CACNA1C: variants seen among roughly 807,000 people sequenced by gnomAD.
CACNA1C encodes voltage-dependent L-type calcium channel subunit alpha-1C.
In CACNA1C, 30 loss-of-function variants were observed where a neutral mutation model predicts 229.0. That is an observed-to-expected ratio of 0.13 (90% CI 0.10 to 0.18). CACNA1C has a LOEUF of 0.18. CACNA1C is among the 10% of genes least tolerant of loss of function. The pLI is 1.00. For synonymous variants in CACNA1C, 1,114 were observed against 1,132.5 expected, an observed-to-expected ratio of 0.98 and a Z score of 0.33; for missense variants, 1,658 against 2,845.0, an observed-to-expected ratio of 0.58 and a Z score of 9.49.
intron 6 of CACNA1C, among the ~76,000 whole-genome samples, chr12:2,489,133 T>G (rs1408384326): frequency 3.3e-5 from 5 of 152,228 alleles, no homozygotes; most frequent in African/African-American, 1.2e-4. Context: ...TTTTTAAAAT[T>G]TCAGACTTTG....
At chr12:2,171,881 C>G (rs1266294071) in intron 3 of CACNA1C, among the ~76,000 whole-genome samples, 1 of 152,146 alleles carries the variant, frequency 6.6e-6, no homozygotes, top group Non-Finnish European at 1.5e-5. Context: ...AAGAGCCACT[C>G]ATGATAGGTC....
rs565297724 is a variant in CACNA1C at position 2,668,772 on chromosome 12, A to G, written c.4624-161A>G. ...TATGAGAAATCCACCCCATGATGCA[A>G]TCACCTTCCATCAGGCCCCACCTCC... is the stretch of plus-strand genomic sequence containing the variant. On this transcript the variant is annotated intron_variant, in intron 37 of 46. Coordinates refer to ENST00000399655, the MANE Select transcript of CACNA1C (RefSeq NM_000719.7). 351 of 617,412 alleles carry G rather than the reference A, an allele frequency of 5.7e-4. 2 individuals are homozygous for G. In the South Asian group the frequency reaches 6.2e-3, roughly 11 times the overall value. The allele number at this position is 617,412 out of a possible 1,614,324, so 38.2% of individuals were successfully genotyped here.
intron 3 of CACNA1C, among the ~76,000 whole-genome samples, chr12:2,230,763 G>T (rs948503276): frequency 2.6e-4 from 40 of 152,234 alleles, no homozygotes; most frequent in African/African-American, 9.4e-4. Context: ...AGTAACAGCA[G>T]CTAACCCTTC....
At position 2,583,882 on chromosome 12, in the gene CACNA1C, G is replaced by T. The variant is rs189165765; in HGVS notation, c.2225-621G>T. Among the ~76,000 whole-genome samples, 19 of 152,330 alleles carry T rather than the reference G, an allele frequency of 1.2e-4. No individual in the cohort carries two copies. In the East Asian group the frequency reaches 2.1e-3, roughly 17 times the overall value. On this transcript the variant is annotated intron_variant, in intron 15 of 46. Coordinates refer to ENST00000399655, the MANE Select transcript of CACNA1C (RefSeq NM_000719.7). ...AATGTCTGGGTGCCTGGGGCCGGGG[G>T]TCAGACTTCACAGACTTAAAGCCCC...
chr12:2,453,215 G>A (rs191824885), intron 4 of CACNA1C, among the ~76,000 whole-genome samples: 255 of 152,198 alleles, frequency 1.7e-3, no homozygotes, highest in Middle Eastern at 3.4e-3. Flanking sequence ...TCCATGGAGC[G>A]TTTCTAGACC....
chr12:2,043,701 T>C (rs1566017247), intron 1 of CACNA1C, among the ~76,000 whole-genome samples: 1 of 136,316 alleles, frequency 7.3e-6, no homozygotes, highest in Non-Finnish European at 1.5e-5. Context: ...CAGGCCGGAC[T>C]GCGGACTGCA....
intron 3 of CACNA1C, among the ~76,000 whole-genome samples, chr12:2,438,050 AATGATGGTGGTG>A (rs2099161032): frequency 9.5e-6 from 1 of 105,434 alleles, no homozygotes; most frequent in Non-Finnish European, 2.0e-5. Flanking sequence ...TGGTGGTGGT[AATGATGGTGGTG>A]ATGATGGTAG....
intron 5 of CACNA1C, among the ~76,000 whole-genome samples, chr12:2,462,649 C>T (rs2099518439): frequency 6.6e-6 from 1 of 152,232 alleles, no homozygotes; most frequent in South Asian, 2.1e-4. Flanking sequence ...CATAGCTTCA[C>T]ATCACAGGCC....
At chr12:2,296,875 C>G (rs1436304406) in intron 3 of CACNA1C, among the ~76,000 whole-genome samples, 1 of 152,184 alleles carries the variant, frequency 6.6e-6, no homozygotes, top group East Asian at 1.9e-4. Flanking sequence ...TCCACAGTTT[C>G]CAGGGGAAGA....
At chr12:2,592,835 C>T (rs1009653187) in intron 18 of CACNA1C, among the ~76,000 whole-genome samples, 2 of 151,818 alleles carry the variant, frequency 1.3e-5, no homozygotes, top group African/African-American at 4.8e-5. Context: ...CCCCAACCTG[C>T]GGCCTAGATA....
At chr12:2,243,249 G>T (rs962600280) in intron 3 of CACNA1C, among the ~76,000 whole-genome samples, 12 of 152,224 alleles carry the variant, frequency 7.9e-5, no homozygotes, top group African/African-American at 2.9e-4. Flanking sequence ...ACCAGGTTGT[G>T]TGTGAGTACC....
intron 1 of CACNA1C, among the ~76,000 whole-genome samples, chr12:1,977,528 A>C (rs2034804539): frequency 6.6e-6 from 1 of 152,216 alleles, no homozygotes; most frequent in Non-Finnish European, 1.5e-5. Flanking sequence ...GTGATTTGCG[A>C]ATTTTGTTAA....
intron 29 of CACNA1C, among the ~76,000 whole-genome samples, chr12:2,617,393 G>A (rs908174157): frequency 1.3e-5 from 2 of 152,220 alleles, no homozygotes; most frequent in Non-Finnish European, 2.9e-5. Context: ...GGGCCAGGGG[G>A]CTCTGGAATG....
chr12:2,073,054 C>T (rs1181856825), intron 1 of CACNA1C, among the ~76,000 whole-genome samples: 1 of 152,172 alleles, frequency 6.6e-6, no homozygotes, highest in Non-Finnish European at 1.5e-5. Flanking sequence ...CACACATTCT[C>T]AGTGGCGGCA....
intron 3 of CACNA1C, among the ~76,000 whole-genome samples, chr12:2,123,228 T>C (rs2087806633): frequency 6.6e-6 from 1 of 151,698 alleles, no homozygotes; most frequent in African/African-American, 2.4e-5. Context: ...TACAAAAAAT[T>C]AGCCAGGCGT....
rs528073316 is a variant in CACNA1C, at chr12:2,119,155, T to C, written c.372-1170T>C. 2.3e-3 allele frequency among the ~76,000 whole-genome samples: 352 copies of C among 152,360 alleles called. 2 individuals carry two copies. Among genetic ancestry groups the C allele is most frequent in the Non-Finnish European group, 3.6e-3 (245 of 68,022 alleles). On this transcript the variant is annotated intron_variant, in intron 2 of 46. Transcript: ENST00000399655. ...TGCTGTGGGGCCTTGGGAAAGTTCCTCAGGCTCTCTGGGCCTCAGAGGGTT... is the reference window on the plus strand; with the variant it reads ...TGCTGTGGGGCCTTGGGAAAGTTCCCCAGGCTCTCTGGGCCTCAGAGGGTT...
At chr12:2,570,539 G>A (rs2053789670) in intron 13 of CACNA1C, among the ~76,000 whole-genome samples, 1 of 152,152 alleles carries the variant, frequency 6.6e-6, no homozygotes, top group South Asian at 2.1e-4. Context: ...AGCTAATAGT[G>A]ACCTACATAT....
At chr12:2,332,931 T>A (rs2096590584) in intron 3 of CACNA1C, among the ~76,000 whole-genome samples, 1 of 152,210 alleles carries the variant, frequency 6.6e-6, no homozygotes. Flanking sequence ...TAAGGAAGTA[T>A]CCTAAAGGCA....
At chr12:2,219,864 G>C (rs780816887) in intron 3 of CACNA1C, among the ~76,000 whole-genome samples, 1 of 152,158 alleles carries the variant, frequency 6.6e-6, no homozygotes, top group Non-Finnish European at 1.5e-5. Context: ...GGATCTGGAG[G>C]CCTGGAGTCT....
Sources: gnomAD v4.1 joint callset for allele counts (sites outside exome capture counted in the v4.1 genomes callset) on GRCh38, gnomAD v4.1.1 for gene constraint, MANE v1.5 for transcripts, NCBI Gene and HGNC (gene_info 2026-07-23, HGNC 2026-07-21) for gene names.